DMD: variants seen among roughly 807,000 people sequenced by gnomAD.
DMD encodes the protein mutant dystrophin.
A neutral mutation model predicts 330.1 loss-of-function variants in DMD; 63 were observed. The ratio of observed to expected loss-of-function variants is 0.19; its 90% confidence interval spans 0.16 to 0.24. The LOEUF (loss-of-function observed/expected upper bound fraction) is 0.24, where lower values mean the gene tolerates loss of function less well. DMD is among the 10% of genes least tolerant of loss of function. The pLI is 1.00. For synonymous variants in DMD, 1,223 were observed against 959.8 expected (o/e 1.27, Z -5.07); for missense variants, 3,344 against 2,684.1 (o/e 1.25, Z -5.43).
chrX:32,233,990 C>G (rs1315869516), intron 43 of DMD, among the ~76,000 whole-genome samples: 1 of 111,135 alleles, frequency 9.0e-6, no homozygotes, highest in African/African-American at 3.3e-5. Flanking sequence ...AGCTATACTT[C>G]ACCATGTTTT....
intron 7 of DMD, among the ~76,000 whole-genome samples, chrX:32,709,312 G>A (rs1337993794): frequency 2.7e-5 from 3 of 111,936 alleles, no homozygotes; most frequent in South Asian, 7.4e-4. Context: ...CCAAAACCAT[G>A]TAACACAAAT....
At position 32,697,926 on chromosome X, in the gene DMD, T is replaced by C; in HGVS notation, c.904A>G (p.Thr302Ala). ...GAGGTGGTGACATAAGCAGCCTGTG[T>C]GTAGGCATAGCTCTTGAATCGAGGC... ...PKPRFKSYAY[T>A]QAAYVTTSDP... Residue 302 changes from threonine to alanine, a missense_variant, in exon 9 of 79, where the codon ACA becomes GCA. Coordinates refer to ENST00000357033, the MANE Select transcript of DMD (RefSeq NM_004006.3). 1 of 1,208,639 alleles carries C rather than the reference T, an allele frequency of 8.3e-7. No individual in the cohort carries two copies. The highest frequency in any genetic ancestry group is 1.1e-6 in the Non-Finnish European group (1 of 894,081).
chrX:32,000,094 T>C, intron 44 of DMD, among the ~76,000 whole-genome samples: 1 of 112,664 alleles, frequency 8.9e-6, no homozygotes, highest in Non-Finnish European at 1.9e-5. Context: ...AGTGACCACA[T>C]GGGTGAAACC....
intron 59 of DMD, among the ~76,000 whole-genome samples, chrX:31,475,178 T>A (rs2067658357): frequency 8.9e-6 from 1 of 111,785 alleles, no homozygotes; most frequent in Non-Finnish European, 1.9e-5. Context: ...TGTGCTGGGT[T>A]ATAAATATAA....
intron 11 of DMD, among the ~76,000 whole-genome samples, chrX:32,615,236 C>A (rs2057471261): frequency 9.0e-6 from 1 of 111,238 alleles, no homozygotes; most frequent in Admixed American, 9.6e-5. Flanking sequence ...TTGATACACA[C>A]AAATAGACTA....
chrX:31,185,774 G>GTTT (rs58100460), intron 67 of DMD, among the ~76,000 whole-genome samples: 2 of 100,094 alleles, frequency 2.0e-5, no homozygotes, highest in African/African-American at 7.2e-5. Flanking sequence ...TATGTTTTTT[G>GTTT]TTTTTTTTTT....
chrX:32,581,627 A>G (rs7881768), intron 13 of DMD, among the ~76,000 whole-genome samples: 7 of 112,015 alleles, frequency 6.2e-5, no homozygotes, highest in Non-Finnish European at 1.1e-4. Flanking sequence ...ATTCCAATTA[A>G]AAATGGACAT....
intron 2 of DMD, among the ~76,000 whole-genome samples, chrX:32,891,251 G>A (rs921020269): frequency 2.7e-5 from 3 of 111,506 alleles, no homozygotes; most frequent in Non-Finnish European, 3.8e-5. Flanking sequence ...ACACCAGTCT[G>A]TGTATCTACA....
chrX:33,176,087 A>G (rs936983772), intron 1 of DMD, among the ~76,000 whole-genome samples: 4 of 111,412 alleles, frequency 3.6e-5, no homozygotes, highest in African/African-American at 9.8e-5. Context: ...CCTTTCGCAT[A>G]GACATCTGAG....
At chrX:32,358,225 G>A (rs190796979) in intron 37 of DMD, among the ~76,000 whole-genome samples, 3 of 110,893 alleles carry the variant, frequency 2.7e-5, no homozygotes, top group Non-Finnish European at 5.7e-5. Context: ...GCTTCTAGAG[G>A]GATGGAGAGG....
chrX:33,064,691 C>G (rs1451763826), intron 1 of DMD, among the ~76,000 whole-genome samples: 1 of 110,756 alleles, frequency 9.0e-6, no homozygotes, highest in African/African-American at 3.3e-5. Context: ...GAGTTCAAGA[C>G]CAGTCTGGCC....
intron 52 of DMD, among the ~76,000 whole-genome samples, chrX:31,687,218 A>G (rs774989549): frequency 9.0e-6 from 1 of 111,566 alleles, no homozygotes; most frequent in East Asian, 2.8e-4. Context: ...CTGGCTTCAT[A>G]GGTCACCCAG....
At chrX:32,406,601 G>A (rs2098118298) in intron 30 of DMD, among the ~76,000 whole-genome samples, 1 of 111,172 alleles carries the variant, frequency 9.0e-6, no homozygotes, top group African/African-American at 3.3e-5. Flanking sequence ...CAGGGATGAA[G>A]CCCACTTGGT....
At chrX:32,622,465 A>G (rs1019323056) in intron 11 of DMD, among the ~76,000 whole-genome samples, 10 of 111,934 alleles carry the variant, frequency 8.9e-5, no homozygotes, top group African/African-American at 3.3e-4. Context: ...TTGAAAATAA[A>G]TTGAAATTTT....
At chrX:32,770,211 C>A (rs1455535747) in intron 7 of DMD, among the ~76,000 whole-genome samples, 4 of 111,494 alleles carry the variant, frequency 3.6e-5, no homozygotes, top group African/African-American at 1.3e-4. Context: ...CTGTCATCTT[C>A]AAACACTAAT....
chrX:31,822,850 CCT>C (rs973748357), intron 49 of DMD, among the ~76,000 whole-genome samples: 8 of 110,154 alleles, frequency 7.3e-5, no homozygotes, highest in Non-Finnish European at 1.3e-4. Context: ...CATAGTACCC[CCT>C]GATTTTTCTC....
At chrX:32,574,841 T>G (rs2052845768) in intron 13 of DMD, among the ~76,000 whole-genome samples, 1 of 111,205 alleles carries the variant, frequency 9.0e-6, no homozygotes, top group Non-Finnish European at 1.9e-5. Context: ...ACCTAGAGGA[T>G]ATTAACACAT....
At chrX:33,042,817 A>C in intron 1 of DMD, among the ~76,000 whole-genome samples, 1 of 112,042 alleles carries the variant, frequency 8.9e-6, no homozygotes, top group Non-Finnish European at 1.9e-5. Flanking sequence ...GCTATGAGTT[A>C]TCTAAAGTTT....
intron 55 of DMD, among the ~76,000 whole-genome samples, chrX:31,531,944 A>G (rs1477188720): frequency 2.4e-5 from 2 of 84,719 alleles, no homozygotes; most frequent in African/African-American, 4.7e-5. Context: ...AAAAAAGAAT[A>G]AAAAGAAATG....
Sources: allele counts gnomAD v4.1 joint callset (sites outside exome capture counted in the v4.1 genomes callset), GRCh38; gene constraint gnomAD v4.1.1; transcripts MANE v1.5; gene names NCBI Gene and HGNC (gene_info 2026-07-23, HGNC 2026-07-21).